The following EPM2A variants were observed in gnomAD, a reference collection of about 807,000 sequenced individuals.
EPM2A encodes laforin.
Under a neutral mutation model 26.5 loss-of-function variants are expected in EPM2A, and 21 were observed. The ratio of observed to expected loss-of-function variants is 0.79; its 90% confidence interval spans 0.56 to 1.14. The LOEUF (loss-of-function observed/expected upper bound fraction) is 1.14, where lower values mean the gene tolerates loss of function less well. Among genes scored for constraint, EPM2A ranks in the 50% most tolerant of loss-of-function variants. The pLI is 0.00. For missense variants in EPM2A, 458 were observed against 440.8 expected, an observed-to-expected ratio of 1.04 and a Z score of -0.35; for synonymous variants, 217 against 177.6, an observed-to-expected ratio of 1.22 and a Z score of -1.76.
intron 2 of EPM2A, among the ~76,000 whole-genome samples, chr6:145,539,659 A>T (rs549764695): frequency 6.6e-6 from 1 of 152,184 alleles, no homozygotes; most frequent in Admixed American, 6.5e-5. Context: ...TGATGAAGGG[A>T]CTATAGTTTT....
At chr6:145,679,863 G>T (rs1780368225) in intron 2 of EPM2A, among the ~76,000 whole-genome samples, 1 of 152,150 alleles carries the variant, frequency 6.6e-6, no homozygotes, top group South Asian at 2.1e-4. Context: ...CTGTTTGGTT[G>T]TTAAATAGCA....
At chr6:145,704,833 TC>T (rs1403767388) in intron 1 of EPM2A, among the ~76,000 whole-genome samples, 2 of 152,356 alleles carry the variant, frequency 1.3e-5, no homozygotes, top group East Asian at 1.9e-4. Flanking sequence ...CCTTTAAAAT[TC>T]CTTTGAGATT....
At chr6:145,495,919 G>T (rs1265128091) in intron 4 of EPM2A, among the ~76,000 whole-genome samples, 1 of 152,144 alleles carries the variant, frequency 6.6e-6, no homozygotes, top group Non-Finnish European at 1.5e-5. Flanking sequence ...ACTCCAGTGT[G>T]TTCTTGTAAT....
chr6:145,585,529 T>C lies in EPM2A; in HGVS notation c.340+49716A>G, dbSNP rs371625355. 5.9e-5 allele frequency among the ~76,000 whole-genome samples: 9 copies of C among 152,156 alleles called. No homozygotes were observed. In the East Asian group the frequency reaches 1.7e-3, roughly 29 times the overall value. On this transcript the variant is annotated intron_variant, in intron 2 of 3. Coordinates refer to the EPM2A transcript ENST00000450221. The stretch of plus-strand genomic sequence containing the variant: ...ATTCATTGTATTTTTCATTTCACTT[T>C]ATAATTTTCATTTCTAGATGTCTAT...
intron 4 of EPM2A, among the ~76,000 whole-genome samples, chr6:145,445,970 T>C (rs1764121233): frequency 6.6e-6 from 1 of 152,194 alleles, no homozygotes; most frequent in Non-Finnish European, 1.5e-5. Context: ...GGGATGACTA[T>C]AATGGGGCAA....
rs922740707 is a variant in EPM2A, at chr6:145,456,653, A to C, written c.555+45869T>G. On this transcript the variant is annotated intron_variant, in intron 4 of 4. Coordinates refer to the EPM2A transcript ENST00000638717. ...TTGGGGCTTACTATGTACTAAACAGAGGAAAAAATTAAGAGGAATTGGAGG... is the reference window on the plus strand; with the variant it reads ...TTGGGGCTTACTATGTACTAAACAGCGGAAAAAATTAAGAGGAATTGGAGG... Among the ~76,000 whole-genome samples, 5 of 152,198 alleles carry C rather than the reference A, an allele frequency of 3.3e-5. No individual in the cohort carries two copies. In the South Asian group the frequency reaches 1.0e-3, roughly 32 times the overall value.
rs903314155 is a variant in EPM2A, at chr6:145,697,645, G to A, written c.302-11349C>T. The stretch of plus-strand genomic sequence containing the variant: ...ATTTTAGAGGCCTACCCTCAGGGAC[G>A]CATTCTCTTTCTCAGGGGTGTTCCT... On this transcript the variant is annotated intron_variant, in intron 1 of 3. Transcript: ENST00000367519. Among the ~76,000 whole-genome samples, 5 of 152,084 alleles carry A rather than the reference G, an allele frequency of 3.3e-5. No homozygotes were observed. In the South Asian group the frequency reaches 6.2e-4, roughly 19 times the overall value.
rs543507433 is a variant in EPM2A at position 145,502,645 on chromosome 6, G to A, written c.341-70C>T. On this transcript the variant is annotated intron_variant, in intron 2 of 3. Transcript: ENST00000450221. ...CAGTGCCAGCCTTGCTCAAGATGTT[G>A]TTATTCAGTCTTAGGAAACACCTTG... 63 of 468,200 alleles carry A rather than the reference G, an allele frequency of 1.3e-4. No individual in the cohort carries two copies. The Middle Eastern group carries it at 3.1e-3, about 23-fold the overall frequency. The allele number at this position is 468,200 out of a possible 1,614,324, so 29.0% of individuals were successfully genotyped here.
At chr6:145,474,397 A>G (rs757380010) in intron 4 of EPM2A, among the ~76,000 whole-genome samples, 9 of 152,042 alleles carry the variant, frequency 5.9e-5, no homozygotes, top group African/African-American at 2.2e-4. Context: ...GGGAGGCAGA[A>G]GTGGCAGTGA....
chr6:145,457,504 A>C (rs1442642279), intron 4 of EPM2A, among the ~76,000 whole-genome samples: 1 of 151,744 alleles, frequency 6.6e-6, no homozygotes, highest in Non-Finnish European at 1.5e-5. Flanking sequence ...AAAAAGAAAA[A>C]GAAAAAAATA....
chr6:145,615,770 C>A (rs948743302), intron 2 of EPM2A, among the ~76,000 whole-genome samples: 6 of 151,966 alleles, frequency 3.9e-5, no homozygotes, highest in African/African-American at 1.4e-4. Context: ...TATGTTTTAG[C>A]AAAGAGATTG....
chr6:145,490,617 C>A, intron 4 of EPM2A: 1 of 662,042 alleles, frequency 1.5e-6, no homozygotes, highest in Non-Finnish European at 2.9e-6. Context: ...ATGTGCTCTC[C>A]CAAAGATACC....
intron 2 of EPM2A, among the ~76,000 whole-genome samples, chr6:145,508,296 C>T (rs1282103002): frequency 6.6e-6 from 1 of 152,206 alleles, no homozygotes; most frequent in Non-Finnish European, 1.5e-5. Context: ...GGGTGCTTTT[C>T]ATGCTTCTCC....
intron 4 of EPM2A, among the ~76,000 whole-genome samples, chr6:145,419,506 T>TCAAAA (rs1778754636): frequency 6.6e-6 from 1 of 152,216 alleles, no homozygotes; most frequent in African/African-American, 2.4e-5. Context: ...GTGAATTGCC[T>TCAAAA]TAAATATAAT....
intron 2 of EPM2A, among the ~76,000 whole-genome samples, chr6:145,593,786 G>A (rs1781305629): frequency 6.6e-6 from 1 of 151,784 alleles, no homozygotes; most frequent in South Asian, 2.1e-4. Context: ...AAAATTTTTA[G>A]CATCATTAAA....
intron 2 of EPM2A, among the ~76,000 whole-genome samples, chr6:145,520,762 A>T (rs1780192428): frequency 1.3e-5 from 2 of 152,200 alleles, no homozygotes; most frequent in South Asian, 4.1e-4. Context: ...GAAAAATAGA[A>T]CAAATTAAAG....
chr6:145,677,479 G>C (rs1010484160), intron 2 of EPM2A, among the ~76,000 whole-genome samples: 2 of 152,144 alleles, frequency 1.3e-5, no homozygotes, highest in Non-Finnish European at 2.9e-5. Context: ...ATTAGGAAAA[G>C]AGGAAGTCAA....
At chr6:145,609,376 G>A (rs777252598) in intron 2 of EPM2A, among the ~76,000 whole-genome samples, 2 of 152,128 alleles carry the variant, frequency 1.3e-5, no homozygotes, top group Non-Finnish European at 2.9e-5. Context: ...TTTTTGTCAG[G>A]TTTGTTTTAA....
chr6:145,723,834 G>C (rs1226884362), intron 1 of EPM2A, among the ~76,000 whole-genome samples: 1 of 152,074 alleles, frequency 6.6e-6, no homozygotes, highest in Admixed American at 6.6e-5. Context: ...TGCAGACAAA[G>C]AAGTCCATAA....
Sources: gnomAD v4.1 joint callset for allele counts (sites outside exome capture counted in the v4.1 genomes callset) on GRCh38, gnomAD v4.1.1 for gene constraint, MANE v1.5 for transcripts, NCBI Gene and HGNC (gene_info 2026-07-23, HGNC 2026-07-21) for gene names.